PTPRN2: variants seen among roughly 807,000 people sequenced by gnomAD.
The protein encoded by PTPRN2 is protein tyrosine phosphatase receptor type N2.
In PTPRN2, 74 loss-of-function variants were observed where a neutral mutation model predicts 118.8. The ratio of observed to expected loss-of-function variants is 0.62; its 90% CI spans 0.52 to 0.76. The LOEUF is 0.76. Ranked by LOEUF, PTPRN2 falls within the 30% of genes least tolerant of loss-of-function variation. PTPRN2 has a pLI of 0.00. For missense variants in PTPRN2, 1,481 were observed against 1,394.4 expected (o/e 1.06, Z -0.99); for synonymous variants, 641 against 608.0 (o/e 1.05, Z -0.80).
chr7:158,367,860 C>T (rs1415091264), intron 2 of PTPRN2, among the ~76,000 whole-genome samples: 1 of 152,058 alleles, frequency 6.6e-6, no homozygotes, highest in Non-Finnish European at 1.5e-5. Flanking sequence ...TTATATGGAC[C>T]GTTTCTCCAG....
In PTPRN2 at chr7:157,818,133, ATATGTG is replaced by A. The variant is rs1365050511; in HGVS notation, c.1788+80534_1788+80539del. Among the ~76,000 whole-genome samples the A allele has an allele frequency of 2.0e-5, 3 of 147,782 alleles. 1 individual carries two copies. The highest frequency in any genetic ancestry group is 4.0e-4 in the East Asian group (2 of 4,962). ...CAGTGTGGGTGTGTGTAGTGTGTGTATATGTGTATGTGCATGTGTGGTGTGTGTGGT... is the reference window on the plus strand; with the variant it reads ...CAGTGTGGGTGTGTGTAGTGTGTGTATATGTGCATGTGTGGTGTGTGTGGT... On this transcript the variant is annotated intron_variant, in intron 12 of 22. Transcript: ENST00000389418.
intron 1 of PTPRN2, among the ~76,000 whole-genome samples, chr7:158,554,370 T>G (rs371299672): frequency 2.6e-5 from 4 of 152,230 alleles, no homozygotes; most frequent in African/African-American, 9.6e-5. Context: ...GTTGGTTGTT[T>G]AGGGCACTGA....
At chr7:157,649,679 C>T (rs574119412) in intron 14 of PTPRN2, among the ~76,000 whole-genome samples, 39 of 130,350 alleles carry the variant, frequency 3.0e-4, no homozygotes, top group African/African-American at 9.7e-4. Context: ...GCACTGAACT[C>T]GGTGGGTCGG....
chr7:158,145,419 C>T (rs10233121), intron 6 of PTPRN2, among the ~76,000 whole-genome samples: 34 of 152,328 alleles, frequency 2.2e-4, no homozygotes, highest in African/African-American at 7.5e-4. Context: ...GTACAGTGAG[C>T]GCCACACTCA....
intron 12 of PTPRN2, among the ~76,000 whole-genome samples, chr7:157,848,069 C>G (rs1808998357): frequency 6.7e-6 from 1 of 149,658 alleles, no homozygotes; most frequent in Admixed American, 6.7e-5. Flanking sequence ...AGCCCTCTCT[C>G]ACTCCCTCAT....
Position 157,808,146 on chromosome 7 carries a change from G to T in PTPRN2, c.1788+90527C>A, listed in dbSNP as rs1224897493. 1.3e-5 allele frequency among the ~76,000 whole-genome samples: 2 copies of T among 152,194 alleles called. No homozygotes were observed. The highest frequency in any genetic ancestry group is 2.9e-5 in the Non-Finnish European group (2 of 68,042). On this transcript the variant is annotated intron_variant, in intron 12 of 22. Coordinates refer to ENST00000389418, the MANE Select transcript of PTPRN2 (RefSeq NM_002847.5). The surrounding 1 kb of genome is among the most constrained non-coding windows in gnomAD (Gnocchi z 5.0). ...GGGCCACGGACTGACACCAGTCTGTGGCCTGTTAGGAACTGGGGTGCACAG... is the reference window on the plus strand; with the variant it reads ...GGGCCACGGACTGACACCAGTCTGTTGCCTGTTAGGAACTGGGGTGCACAG...
chr7:157,610,649 T>C lies in PTPRN2; in HGVS notation c.2345-6574A>G, dbSNP rs1424033671. Among the ~76,000 whole-genome samples the C allele has an allele frequency of 1.3e-5, 2 of 152,160 alleles. No homozygotes were observed. The highest frequency in any genetic ancestry group is 2.9e-5 in the Non-Finnish European group (2 of 68,032). ...CACAGAAAGGCCTTTGAACTTGTCATAGTTGAGGCAAAGGAATAAATGATC... is the reference window on the plus strand; with the variant it reads ...CACAGAAAGGCCTTTGAACTTGTCACAGTTGAGGCAAAGGAATAAATGATC... On this transcript the variant is annotated intron_variant, in intron 15 of 22. Transcript: ENST00000389418. This position sits in a 1 kb window ranked among gnomAD's most constrained non-coding sequence, Gnocchi z 5.1.
At chr7:157,594,908 C>T (rs1210582817) in intron 17 of PTPRN2, among the ~76,000 whole-genome samples, 1 of 152,210 alleles carries the variant, frequency 6.6e-6, no homozygotes, top group Non-Finnish European at 1.5e-5. Flanking sequence ...GCCATCATAA[C>T]AACGCCATGG....
intron 1 of PTPRN2, among the ~76,000 whole-genome samples, chr7:158,540,746 G>A (rs1825940277): frequency 6.6e-6 from 1 of 152,220 alleles, no homozygotes. Flanking sequence ...GGTCTCTTCT[G>A]CCCTTAAAAT....
intron 12 of PTPRN2, among the ~76,000 whole-genome samples, chr7:157,715,010 G>C (rs943790827): frequency 6.6e-6 from 1 of 152,244 alleles, no homozygotes; most frequent in Non-Finnish European, 1.5e-5. Flanking sequence ...TTTCCTGAAT[G>C]GATTCTCCGT....
intron 12 of PTPRN2, among the ~76,000 whole-genome samples, chr7:157,822,346 C>T (rs924476289): frequency 2.0e-5 from 3 of 151,864 alleles, no homozygotes; most frequent in Admixed American, 1.3e-4. Flanking sequence ...TCCATCCATC[C>T]GTCCATCCAT....
At chr7:157,624,993 T>A (rs956324470) in intron 14 of PTPRN2, among the ~76,000 whole-genome samples, 1 of 152,200 alleles carries the variant, frequency 6.6e-6, no homozygotes, top group African/African-American at 2.4e-5. Flanking sequence ...TCAACATCAC[T>A]AATGATCAGG....
chr7:157,971,691 G>A (rs1478531140), intron 11 of PTPRN2, among the ~76,000 whole-genome samples: 1 of 151,842 alleles, frequency 6.6e-6, no homozygotes, highest in African/African-American at 2.4e-5. Context: ...AAAAAAGTGG[G>A]AAAGAAAGAA....
At chr7:158,478,221 G>A (rs1392214462) in intron 2 of PTPRN2, among the ~76,000 whole-genome samples, 1 of 152,224 alleles carries the variant, frequency 6.6e-6, no homozygotes, top group Non-Finnish European at 1.5e-5. Context: ...GCTACGTCTG[G>A]TCCCCAGGAC....
At chr7:157,607,831 G>A (rs1051088031) in intron 15 of PTPRN2, among the ~76,000 whole-genome samples, 2 of 152,096 alleles carry the variant, frequency 1.3e-5, no homozygotes, top group African/African-American at 4.8e-5. Context: ...CTACGAGCCC[G>A]GCCCTCTCCT....
intron 10 of PTPRN2, among the ~76,000 whole-genome samples, chr7:158,084,150 G>A (rs1292371363): frequency 6.6e-6 from 1 of 152,188 alleles, no homozygotes; most frequent in Non-Finnish European, 1.5e-5. Context: ...CAGCGGGTCT[G>A]CAGTAAACAG....
rs1826186136 is a variant in PTPRN2 at position 158,196,061 on chromosome 7, A to G, written c.381-3566T>C. On this transcript the variant is annotated intron_variant, in intron 4 of 22. Transcript: ENST00000389418. ...ACAGGACTCTGTGGGCATTCTACCC[A>G]ATTATCTGGAAATTATGAGGTTTGC... Among the ~76,000 whole-genome samples, 4 of 152,276 alleles carry G rather than the reference A, an allele frequency of 2.6e-5. No homozygotes were observed. In the South Asian group the frequency reaches 8.3e-4, roughly 32 times the overall value.
intron 11 of PTPRN2, among the ~76,000 whole-genome samples, chr7:157,982,314 CA>C: frequency 2.5e-5 from 2 of 81,208 alleles, no homozygotes; most frequent in Non-Finnish European, 4.7e-5. Flanking sequence ...AACCCTGAGT[CA>C]TAGAGCCAAG....
chr7:158,469,796 A>G (rs1012256652), intron 2 of PTPRN2, among the ~76,000 whole-genome samples: 14 of 152,146 alleles, frequency 9.2e-5, no homozygotes, highest in Non-Finnish European at 1.8e-4. Context: ...GTGCCATCAT[A>G]AAAGAATTGG....
Sources: allele counts gnomAD v4.1 joint callset (sites outside exome capture counted in the v4.1 genomes callset), GRCh38; gene constraint gnomAD v4.1.1; non-coding constraint Gnocchi (gnomAD v3.1); transcripts MANE v1.5; gene names NCBI Gene and HGNC (gene_info 2026-07-23, HGNC 2026-07-21).